N4BP2: variants seen among roughly 807,000 people sequenced by gnomAD.
The protein encoded by N4BP2 is NEDD4 binding protein 2, also known as NEDD4-binding protein 2.
N4BP2 carries 91 observed loss-of-function variants against 152.8 expected under a neutral mutation model. The observed-to-expected ratio is 0.60, with a 90% CI of 0.50 to 0.71. The LOEUF is 0.71. N4BP2 is among the 30% of genes least tolerant of loss of function. The pLI is 0.00. For missense variants in N4BP2, 1,923 were observed against 2,059.1 expected (o/e 0.93, Z 1.28); for synonymous variants, 646 against 705.3 (o/e 0.92, Z 1.33).
At chr4:40,100,799 C>G (rs535584668) in intron 3 of N4BP2, among the ~76,000 whole-genome samples, 19 of 152,282 alleles carry the variant, frequency 1.2e-4, no homozygotes, top group Admixed American at 3.3e-4. Flanking sequence ...TACTTTTTAA[C>G]TTCATTTCTT....
intron 1 of N4BP2, among the ~76,000 whole-genome samples, chr4:40,065,901 C>T: frequency 6.6e-6 from 1 of 151,488 alleles, no homozygotes; most frequent in Non-Finnish European, 1.5e-5. Flanking sequence ...GTATTTTGCA[C>T]ATAGTTTCTG....
intron 3 of N4BP2, 145 bp from the exon 4 acceptor site, chr4:40,101,928 ATT>A (rs1303621015): frequency 2.2e-6 from 1 of 463,550 alleles, no homozygotes; most frequent in Non-Finnish European, 3.5e-6. Context: ...TAAAATATTA[ATT>A]TTTTAAAAAT....
intron 2 of N4BP2, among the ~76,000 whole-genome samples, chr4:40,086,625 G>A (rs1016435484): frequency 3.3e-5 from 5 of 151,622 alleles, no homozygotes; most frequent in Admixed American, 2.6e-4. Flanking sequence ...ATAAGCCACC[G>A]GGCCCGACCA....
At chr4:40,146,614 C>T (rs1720542959) in intron 16 of N4BP2, among the ~76,000 whole-genome samples, 1 of 152,094 alleles carries the variant, frequency 6.6e-6, no homozygotes. Flanking sequence ...AAAGTGATTA[C>T]CACAATGAAG....
At chr4:40,159,854 C>CA (rs537054784), downstream of N4BP2, among the ~76,000 whole-genome samples, 103 of 150,364 alleles carry the variant, frequency 6.9e-4, 1 homozygote, top group Middle Eastern at 3.4e-3. Flanking sequence ...TGTTAGGAAT[C>CA]AAAAAAAGGA....
intron 3 of N4BP2, among the ~76,000 whole-genome samples, chr4:40,099,144 A>G (rs1715378291): frequency 6.6e-6 from 1 of 152,176 alleles, no homozygotes. Context: ...ATACTGCTGA[A>G]TTGCCTACCA....
At chr4:40,158,923 G>A (rs181503465), downstream of N4BP2, among the ~76,000 whole-genome samples, 1 of 152,206 alleles carries the variant, frequency 6.6e-6, no homozygotes, top group Admixed American at 6.5e-5. Context: ...TCGTTACTGG[G>A]GTTACAGGGT....
rs1721533613 is a variant in N4BP2 at position 40,155,544 on chromosome 4, A to G, written c.*1307A>G. On this transcript the variant is annotated 3_prime_UTR_variant, in exon 18 of 18. Coordinates refer to ENST00000261435, the MANE Select transcript of N4BP2 (RefSeq NM_018177.6). ...ATTAACTTCTGTTGTTTGGTTAGCT[A>G]ATAAATTCTGTTAGTATGCAAGTTA... 1 of 152,244 alleles carries G rather than the reference A, an allele frequency of 6.6e-6. No homozygotes were observed. The highest frequency in any genetic ancestry group is 2.4e-5 in the African/African-American group (1 of 41,472). The allele number at this position is 152,244 out of a possible 1,614,324, so 9.4% of individuals were successfully genotyped here.
chr4:40,092,940 G>A (rs548245434), intron 2 of N4BP2, among the ~76,000 whole-genome samples: 2 of 149,566 alleles, frequency 1.3e-5, no homozygotes, highest in African/African-American at 2.5e-5. Flanking sequence ...CACCGTGCCC[G>A]GCCTGCTCTT....
Position 40,102,197 on chromosome 4 carries a change from G to A in N4BP2, c.352G>A (p.Glu118Lys), listed in dbSNP as rs61748746. ...QVGAAESKIM[E>K]KRPEEESEDS... ...AGGTGCAGCAGAAAGTAAAATAATG[G>A]AAAAACGTCCTGAAGAAGAGAGTGA... The change falls in exon 4 of 18, where the codon GAA becomes AAA. Residue 118 changes from glutamate (E) to lysine (K), a missense_variant. Transcript: ENST00000261435. 0.077 allele frequency: 123,677 copies of A among 1,613,640 alleles called. 5,153 individuals are homozygous for A. The highest frequency in any genetic ancestry group is 0.084 in the Non-Finnish European group (99,537 of 1,179,778).
At chr4:40,171,876 C>T in the N4BP2 span, among the ~76,000 whole-genome samples, 8 of 152,090 alleles carry the variant, frequency 5.3e-5, no homozygotes, top group African/African-American at 1.7e-4. Context: ...GCATCCAGCA[C>T]AGGAGAAAGA....
At chr4:40,101,158 T>G (rs1192916202) in intron 3 of N4BP2, among the ~76,000 whole-genome samples, 1 of 151,596 alleles carries the variant, frequency 6.6e-6, no homozygotes, top group African/African-American at 2.4e-5. Flanking sequence ...GCATTATTTA[T>G]TTATTTATTT....
chr4:40,108,456 C>T (rs567558864), intron 5 of N4BP2, among the ~76,000 whole-genome samples: 3 of 150,980 alleles, frequency 2.0e-5, no homozygotes, highest in Non-Finnish European at 4.4e-5. Flanking sequence ...GCTGGGATTA[C>T]AGGCACGTGC....
chr4:40,177,984 G>T, the N4BP2 span, among the ~76,000 whole-genome samples: 1 of 152,038 alleles, frequency 6.6e-6, no homozygotes, highest in Non-Finnish European at 1.5e-5. Flanking sequence ...TTTAACTTAA[G>T]CAACCAGAAA....
In N4BP2 at chr4:40,102,653, T is replaced by C. The variant is rs1030838035; in HGVS notation, c.808T>C (p.Leu270=). 6 of 1,614,060 alleles carry C rather than the reference T, an allele frequency of 3.7e-6. No individual in the cohort carries two copies. The highest frequency in any genetic ancestry group is 5.1e-6 in the Non-Finnish European group (6 of 1,180,050). The part of the protein sequence containing the change: ...SSLNQKQKEL[L]ESECVEAQFS... ...TCTCAATCAAAAACAGAAAGAACTT[T>C]TAGAATCTGAGTGCGTTGAGGCTCA... The change falls in exon 4 of 18, where the codon TTA becomes CTA. Residue 270 remains leucine (L), a synonymous_variant. Transcript: ENST00000261435.
chr4:40,136,073 G>T (rs1284539891), intron 13 of N4BP2, among the ~76,000 whole-genome samples: 1 of 152,148 alleles, frequency 6.6e-6, no homozygotes, highest in East Asian at 1.9e-4. Context: ...TCACCGTCAA[G>T]ATATGACTGA....
intron 14 of N4BP2, among the ~76,000 whole-genome samples, chr4:40,140,736 G>A (rs1719844937): frequency 1.3e-5 from 2 of 151,860 alleles, no homozygotes; most frequent in Non-Finnish European, 2.9e-5. Context: ...GGACCCTGCG[G>A]CCTTCCGCAG....
chr4:40,148,783 C>G (rs991582521), intron 16 of N4BP2, among the ~76,000 whole-genome samples: 1 of 152,212 alleles, frequency 6.6e-6, no homozygotes, highest in Admixed American at 6.5e-5. Flanking sequence ...AGCCACCATG[C>G]CTGGCCTGAG....
chr4:40,143,885 G>A (rs551287494), intron 15 of N4BP2, among the ~76,000 whole-genome samples: 1 of 152,246 alleles, frequency 6.6e-6, no homozygotes, highest in Admixed American at 6.5e-5. Context: ...TAATTTATTA[G>A]GGGGAATTGG....
Sources: gnomAD v4.1 joint callset for allele counts (sites outside exome capture counted in the v4.1 genomes callset) on GRCh38, gnomAD v4.1.1 for gene constraint, MANE v1.5 for transcripts, NCBI Gene and HGNC (gene_info 2026-07-23, HGNC 2026-07-21) for gene names.